Variants in TENT5D observed in about 807,000 individuals in gnomAD.
The protein encoded by TENT5D is cancer/testis antigen 112.
For synonymous variants in TENT5D, 103 were observed against 100.6 expected (o/e 1.02, Z -0.15); for missense variants, 191 against 287.0 (o/e 0.67, Z 2.42).
rs147987068 is a variant in TENT5D, at chrX:80,353,028, A to G, written c.-142+10464A>G. Among the ~76,000 whole-genome samples, 546 of 111,980 alleles carry G rather than the reference A, an allele frequency of 4.9e-3. 3 individuals are homozygous for G. The highest frequency in any genetic ancestry group is 8.4e-3 in the Non-Finnish European group (448 of 53,177). On this transcript the variant is annotated intron_variant, in intron 3 of 4. Transcript: ENST00000538312. ...ACCCACTGCCTAACCAGTCCCAATG[A>G]GATGAACAGGCTACCTCAGTTGGAA...
chrX:80,371,161 C>A (rs1488352207), intron 3 of TENT5D, among the ~76,000 whole-genome samples: 1 of 111,826 alleles, frequency 8.9e-6, no homozygotes, highest in Non-Finnish European at 1.9e-5. Context: ...CTGGCAGTGT[C>A]AGCATTACCT....
At chrX:80,424,712 GT>G (rs1602220277) in intron 1 of TENT5D, among the ~76,000 whole-genome samples, 1 of 112,620 alleles carries the variant, frequency 8.9e-6, no homozygotes, top group African/African-American at 3.2e-5. Flanking sequence ...ATAAGATTGT[GT>G]TGTTTGCAAA....
At chrX:80,352,561 A>G (rs1930200665) in intron 3 of TENT5D, among the ~76,000 whole-genome samples, 1 of 109,782 alleles carries the variant, frequency 9.1e-6, no homozygotes, top group South Asian at 4.0e-4. Flanking sequence ...GCTGGCAACA[A>G]GAATTTCAAG....
exon 3 of TENT5D, chrX:80,444,747 T>C (rs1188459077): frequency 2.4e-5 from 3 of 123,085 alleles, no homozygotes; most frequent in Non-Finnish European, 5.7e-5. Flanking sequence ...TGCCTCTTCG[T>C]GTGAATTTTT....
At chrX:80,377,720 G>C (rs949250616) in intron 3 of TENT5D, among the ~76,000 whole-genome samples, 2 of 111,931 alleles carry the variant, frequency 1.8e-5, no homozygotes, top group Non-Finnish European at 3.8e-5. Flanking sequence ...CTTTATAGTA[G>C]CATGATTTAT....
rs889242733 is a variant in TENT5D, at chrX:80,402,219, T to C, written c.-141-36391T>C. Among the ~76,000 whole-genome samples the C allele has an allele frequency of 3.6e-5, 4 of 111,877 alleles. No individual in the cohort carries two copies. The Admixed American group carries it at 3.8e-4, about 11-fold the overall frequency. On this transcript the variant is annotated intron_variant, in intron 3 of 4. Coordinates refer to the TENT5D transcript ENST00000538312. Reference sequence around the variant, plus strand: ...TTGATAGTAGTCTGCTAGGATCCATTGTATTTCTGTGGTGTCAGTTTTAAT... The same window carrying C: ...TTGATAGTAGTCTGCTAGGATCCATCGTATTTCTGTGGTGTCAGTTTTAAT...
chrX:80,335,636 A>G (rs1372857950), intron 1 of TENT5D: 1 of 111,526 alleles, frequency 9.0e-6, no homozygotes, highest in Non-Finnish European at 1.9e-5. Context: ...CTTCCGCCCC[A>G]CCTCTTTCCT....
At chrX:80,402,978 T>A (rs1322160471) in intron 3 of TENT5D, among the ~76,000 whole-genome samples, 1 of 111,849 alleles carries the variant, frequency 8.9e-6, no homozygotes, top group Non-Finnish European at 1.9e-5. Flanking sequence ...GAAAGTGGGG[T>A]GCTGAAGCCC....
intron 1 of TENT5D, among the ~76,000 whole-genome samples, chrX:80,434,665 G>A (rs547625972): frequency 1.8e-5 from 2 of 111,141 alleles, no homozygotes; most frequent in South Asian, 3.8e-4. Context: ...CCAAATTGGA[G>A]CTGTTTTAGC....
intron 3 of TENT5D, among the ~76,000 whole-genome samples, chrX:80,348,501 A>G (rs1323781843): frequency 2.7e-5 from 3 of 111,691 alleles, no homozygotes; most frequent in Non-Finnish European, 3.8e-5. Context: ...ATTTTTGCCC[A>G]TTGATTTTGT....
At chrX:80,392,578 G>A (rs1265421508) in intron 3 of TENT5D, among the ~76,000 whole-genome samples, 2 of 82,132 alleles carry the variant, frequency 2.4e-5, no homozygotes, top group Non-Finnish European at 4.4e-5. Flanking sequence ...CTGCAGTGGC[G>A]CAATCTCGGC....
At chrX:80,379,048 CTTAG>C (rs1281752355) in intron 3 of TENT5D, among the ~76,000 whole-genome samples, 1 of 105,174 alleles carries the variant, frequency 9.5e-6, no homozygotes, top group Non-Finnish European at 1.9e-5. Flanking sequence ...TCCATCAATA[CTTAG>C]TTTATTAAGA....
chrX:80,338,137 T>G (rs1276763757), intron 2 of TENT5D, among the ~76,000 whole-genome samples: 3 of 112,028 alleles, frequency 2.7e-5, no homozygotes, highest in Non-Finnish European at 5.6e-5. Flanking sequence ...ACATCTTGGC[T>G]TTGCTTCTTC....
At chrX:80,440,184 T>C (rs1602225684) in intron 2 of TENT5D, among the ~76,000 whole-genome samples, 1 of 111,808 alleles carries the variant, frequency 8.9e-6, no homozygotes, top group Admixed American at 9.5e-5. Context: ...TTGAAAAGAC[T>C]AGAATGTTTG....
At chrX:80,386,677 TC>T (rs1453121353) in intron 3 of TENT5D, among the ~76,000 whole-genome samples, 2 of 112,150 alleles carry the variant, frequency 1.8e-5, no homozygotes, top group African/African-American at 6.5e-5. Context: ...GAGGAATTTT[TC>T]TTCCTACCTA....
At chrX:80,388,436 G>T (rs1338355201) in intron 3 of TENT5D, among the ~76,000 whole-genome samples, 1 of 111,440 alleles carries the variant, frequency 9.0e-6, no homozygotes, top group African/African-American at 3.3e-5. Flanking sequence ...GGGCTCAAGG[G>T]CTCCTTAGTC....
At chrX:80,368,110 T>C (rs898922958) in intron 3 of TENT5D, among the ~76,000 whole-genome samples, 2 of 111,912 alleles carry the variant, frequency 1.8e-5, no homozygotes, top group Non-Finnish European at 3.8e-5. Context: ...TCTATAAATA[T>C]ATACACTATG....
chrX:80,396,599 G>C (rs1447561981), intron 3 of TENT5D, among the ~76,000 whole-genome samples: 3 of 110,573 alleles, frequency 2.7e-5, no homozygotes, highest in African/African-American at 9.9e-5. Context: ...GGTAAGGTCA[G>C]AGATCAACAG....
chrX:80,338,248 C>CA, intron 2 of TENT5D, among the ~76,000 whole-genome samples: 1 of 111,539 alleles, frequency 9.0e-6, no homozygotes, highest in Non-Finnish European at 1.9e-5. Flanking sequence ...ATAGTAGAGA[C>CA]AATAGATGTA....
Sources: allele counts gnomAD v4.1 joint callset (sites outside exome capture counted in the v4.1 genomes callset), GRCh38; gene constraint gnomAD v4.1.1; transcripts MANE v1.5; gene names NCBI Gene and HGNC (gene_info 2026-07-23, HGNC 2026-07-21).